APOBEC1: variants seen among roughly 807,000 people sequenced by gnomAD.
The protein encoded by APOBEC1 is apolipoprotein B mRNA editing enzyme catalytic subunit 1.
Under a neutral mutation model 26.3 loss-of-function variants are expected in APOBEC1, and 22 were observed. The ratio of observed to expected loss-of-function variants is 0.84; its 90% CI spans 0.60 to 1.19. The LOEUF (loss-of-function observed/expected upper bound fraction) is 1.19. Among genes scored for constraint, APOBEC1 ranks in the 50% most tolerant of loss-of-function variants. The pLI, the probability that APOBEC1 is intolerant of heterozygous loss-of-function variation, is 0.00. For synonymous variants in APOBEC1, 77 were observed against 95.3 expected (o/e 0.81, Z 1.12); for missense variants, 253 against 289.0 (o/e 0.88, Z 0.90).
At chr12:7,664,497 A>T (rs1490408849) in intron 1 of APOBEC1, among the ~76,000 whole-genome samples, 2 of 152,298 alleles carry the variant, frequency 1.3e-5, no homozygotes, top group East Asian at 3.9e-4. Context: ...GTTTACATAA[A>T]TTTTTTGTAG....
At chr12:7,658,957 A>AG (rs1185575996) in intron 1 of APOBEC1, among the ~76,000 whole-genome samples, 10 of 57,776 alleles carry the variant, frequency 1.7e-4, no homozygotes, top group African/African-American at 4.0e-4. Context: ...CCATGTCAAA[A>AG]GAAAAAAAAA....
chr12:7,665,619 A>C (rs924185085), intron 1 of APOBEC1, among the ~76,000 whole-genome samples: 1 of 152,050 alleles, frequency 6.6e-6, no homozygotes, highest in African/African-American at 2.4e-5. Context: ...TATCATGGTG[A>C]AACAAACACT....
At chr12:7,665,966 T>C (rs1328674632), upstream of APOBEC1, 10 of 1,329,454 alleles carry the variant, frequency 7.5e-6, no homozygotes, top group African/African-American at 1.4e-5. Flanking sequence ...TGCCACCTGC[T>C]TGGGCAGAGG....
At chr12:7,650,911 A>G (rs992241455) in intron 4 of APOBEC1, 112 bp downstream of exon 4, 11 of 777,320 alleles carry the variant, frequency 1.4e-5, no homozygotes, top group Non-Finnish European at 2.4e-5. Context: ...TTAAATAACT[A>G]AATCTCAATA....
In APOBEC1 at chr12:7,652,700, A is replaced by G. The variant is rs763387451; in HGVS notation, c.180T>C (p.Asn60=). The change falls in exon 3 of 5, where the codon AAT becomes AAC. Residue 60 remains asparagine, a synonymous_variant. Coordinates refer to ENST00000229304, the MANE Select transcript of APOBEC1 (RefSeq NM_001644.5). The part of the protein sequence containing the change: ...IWRSSGKNTT[N]HVEVNFIKKF... Reference sequence around the variant, plus strand: ...TTTTTATAAAATTAACTTCCACGTGATTGGTGGTGTTTTTGCCTGAGCTTC... The same window carrying G: ...TTTTTATAAAATTAACTTCCACGTGGTTGGTGGTGTTTTTGCCTGAGCTTC... The G allele has an allele frequency of 6.2e-7, 1 of 1,614,038 alleles. No individual in the cohort carries two copies. Among genetic ancestry groups the G allele is most frequent in the Admixed American group, 1.7e-5 (1 of 60,004 alleles).
chr12:7,669,002 GATTAC>G (rs1863924391), upstream of APOBEC1, among the ~76,000 whole-genome samples: 4 of 151,914 alleles, frequency 2.6e-5, no homozygotes, highest in Non-Finnish European at 5.9e-5. Context: ...AAAGTGCTGG[GATTAC>G]AGGTGTGAGC....
intron 1 of APOBEC1, among the ~76,000 whole-genome samples, chr12:7,660,376 G>GAAGGAGAGAAAGAA (rs1290120140): frequency 1.6e-5 from 1 of 60,982 alleles, no homozygotes; most frequent in Non-Finnish European, 4.1e-5. Flanking sequence ...AGGAAGGAAG[G>GAAGGAGAGAAAGAA]AAAGAAAGAA....
At chr12:7,669,497 C>T (rs1863930113), upstream of APOBEC1, among the ~76,000 whole-genome samples, 1 of 152,070 alleles carries the variant, frequency 6.6e-6, no homozygotes, top group Admixed American at 6.6e-5. Flanking sequence ...TCTTTTTCTT[C>T]CTCTTGGGTA....
At chr12:7,651,266 C>A (rs1013608998) in intron 3 of APOBEC1, 125 bp from the exon 4 acceptor site, 1 of 677,026 alleles carries the variant, frequency 1.5e-6, no homozygotes, top group Non-Finnish European at 2.6e-6. Flanking sequence ...GGACATTAGA[C>A]CCCCTAAAAA....
At chr12:7,656,123 C>T (rs542168151) in intron 1 of APOBEC1, among the ~76,000 whole-genome samples, 4 of 152,054 alleles carry the variant, frequency 2.6e-5, no homozygotes, top group Admixed American at 2.6e-4. Flanking sequence ...AGGCATGATT[C>T]ACCATGCCTA....
upstream of APOBEC1, among the ~76,000 whole-genome samples, chr12:7,669,595 AGGGTCTC>A (rs1411040386): frequency 2.6e-5 from 4 of 152,132 alleles, no homozygotes; most frequent in African/African-American, 9.7e-5. Flanking sequence ...TTATAGGGAC[AGGGTCTC>A]ACTATATTGC....
At chr12:7,665,997 A>C, upstream of APOBEC1, 9 of 991,646 alleles carry the variant, frequency 9.1e-6, no homozygotes, top group Non-Finnish European at 1.3e-5. Context: ...CCCGCATCTC[A>C]GGCAGTTATG....
chr12:7,659,325 A>ATATATG (rs1693815750), intron 1 of APOBEC1, among the ~76,000 whole-genome samples: 2 of 56,170 alleles, frequency 3.6e-5, no homozygotes, highest in African/African-American at 1.3e-4. Context: ...AAAAAAAAAT[A>ATATATG]TATATATATA....
At chr12:7,653,837 T>C (rs893336054) in intron 2 of APOBEC1, among the ~76,000 whole-genome samples, 1 of 152,216 alleles carries the variant, frequency 6.6e-6, no homozygotes, top group Non-Finnish European at 1.5e-5. Context: ...AGAAAGAAAT[T>C]CTACTTGCTC....
Position 7,652,608 on chromosome 12 carries a change from C to T in APOBEC1, c.272G>A (p.Ser91Asn). 1.2e-6 allele frequency: 2 copies of T among 1,614,208 alleles called. No homozygotes were observed. The highest frequency in any genetic ancestry group is 2.2e-5 in the South Asian group (2 of 91,078). The change falls in exon 3 of 5, where the codon AGT (serine) becomes AAT (asparagine). Residue 91 changes from serine (S) to asparagine (N), a missense_variant. Physicochemically the swap from Ser to Asn is conservative, Grantham distance 46 (BLOSUM62 1). Transcript: ENST00000229304. ...SCSITWFLSW[S>N]PCWECSQAIR... The stretch of plus-strand genomic sequence containing the variant: ...AGCCTGGGAGCATTCCCAGCAGGGA[C>T]TCCAGGACAAGAACCAGGTGATGGA...
At position 7,650,876 on chromosome 12, in the gene APOBEC1, G is replaced by A. The variant is rs1328715448; in HGVS notation, c.561+147C>T. ...TGTGCACCACCATACCTGGCTCTGA[G>A]ATTTTCTTAAGAGGAGCTAGCTAGT... On this transcript the variant is annotated intron_variant, in intron 4 of 4. Coordinates refer to ENST00000229304, the MANE Select transcript of APOBEC1 (RefSeq NM_001644.5). 4.4e-6 allele frequency: 3 copies of A among 687,552 alleles called. No homozygotes were observed. In the African/African-American group the frequency reaches 5.4e-5, roughly 12 times the overall value. 42.6% of individuals were successfully genotyped at this position (687,552 alleles called of 1,614,324 possible).
At chr12:7,650,938 G>A in intron 4 of APOBEC1, 85 bp downstream of exon 4, 1 of 937,088 alleles carries the variant, frequency 1.1e-6, no homozygotes, top group Non-Finnish European at 1.7e-6. Context: ...TCAAAAAGAA[G>A]ATATGAGTCA....
chr12:7,661,182 G>A (rs1863814350), intron 1 of APOBEC1, among the ~76,000 whole-genome samples: 1 of 148,622 alleles, frequency 6.7e-6, no homozygotes, highest in Non-Finnish European at 1.5e-5. Context: ...CTCCAGCCTG[G>A]GTGATAGAGC....
intron 4 of APOBEC1, 112 bp from the exon 5 acceptor site, chr12:7,649,808 T>TC: frequency 3.2e-6 from 1 of 308,702 alleles, no homozygotes; most frequent in East Asian, 9.4e-5. Context: ...CTATTTCTTC[T>TC]TTTTTTTTTT....
Sources: gnomAD v4.1 joint callset for allele counts (sites outside exome capture counted in the v4.1 genomes callset) on GRCh38, gnomAD v4.1.1 for gene constraint, MANE v1.5 for transcripts, NCBI Gene and HGNC (gene_info 2026-07-23, HGNC 2026-07-21) for gene names.